The following KLRG1 variants were observed in gnomAD, a reference collection of about 807,000 sequenced individuals.
KLRG1 encodes the protein killer cell lectin like receptor G1.
Under a neutral mutation model 21.8 loss-of-function variants are expected in KLRG1, and 16 were observed. The observed-to-expected ratio is 0.73, with a 90% CI of 0.50 to 1.11. The LOEUF is 1.11. Ranked by LOEUF, KLRG1 falls within the 50% of genes most tolerant of loss-of-function variation. The pLI is 0.00. For missense variants in KLRG1, 173 were observed against 218.3 expected, an observed-to-expected ratio of 0.79 and a Z score of 1.31; for synonymous variants, 69 against 75.9, an observed-to-expected ratio of 0.91 and a Z score of 0.47.
At chr12:8,962,533 GC>G (rs1946398127) in intron 1 of KLRG1, among the ~76,000 whole-genome samples, 1 of 151,808 alleles carries the variant, frequency 6.6e-6, no homozygotes, top group Non-Finnish European at 1.5e-5. Context: ...GGGCAACATG[GC>G]AAAACCCCAT....
chr12:9,204,095 G>C, the KLRG1 span: 4 of 862,792 alleles, frequency 4.6e-6, no homozygotes, highest in African/African-American at 6.9e-5. Context: ...TGGAGGTTCT[G>C]TCACAGATCA....
the KLRG1 span, among the ~76,000 whole-genome samples, chr12:9,124,960 CATAA>C: frequency 6.6e-6 from 1 of 152,206 alleles, no homozygotes; most frequent in African/African-American, 2.4e-5. Flanking sequence ...TCCTCCACCC[CATAA>C]AAGCCTCGGG....
At chr12:8,985,541 G>C (rs1407027115), upstream of KLRG1, among the ~76,000 whole-genome samples, 1 of 152,180 alleles carries the variant, frequency 6.6e-6, no homozygotes, top group Non-Finnish European at 1.5e-5. Flanking sequence ...ACAAGTCTGG[G>C]CCTCTGGAAC....
At chr12:9,028,700 C>T in the KLRG1 span, 1 of 469,584 alleles carries the variant, frequency 2.1e-6, no homozygotes, top group Non-Finnish European at 4.1e-6. Flanking sequence ...CCTTGGCCCC[C>T]CAAAGTGCTG....
At chr12:9,201,259 G>C in the KLRG1 span, 1 of 1,390,714 alleles carries the variant, frequency 7.2e-7, no homozygotes, top group Non-Finnish European at 1.0e-6. Flanking sequence ...TCTGTCTAGA[G>C]TATTATCAGA....
the KLRG1 span, chr12:9,128,216 C>A: frequency 5.1e-6 from 1 of 195,438 alleles, no homozygotes; most frequent in South Asian, 1.0e-4. Flanking sequence ...AGGCATTGGT[C>A]TTGCCAAGAT....
the KLRG1 span, chr12:9,202,362 C>A: frequency 1.2e-6 from 2 of 1,614,112 alleles, no homozygotes; most frequent in East Asian, 2.2e-5. Context: ...GGAGACAACA[C>A]GGAATCTTAC....
chr12:8,998,688 CAA>C (rs201443520), intron 3 of KLRG1, among the ~76,000 whole-genome samples: 58,518 of 129,120 alleles, frequency 0.45, 11,693 homozygotes, highest in Middle Eastern at 0.52. Flanking sequence ...GACTCTGTCT[CAA>C]AAAAAAAAAA....
intron 1 of KLRG1, among the ~76,000 whole-genome samples, chr12:8,950,481 A>G (rs1003887550): frequency 2.6e-5 from 4 of 152,116 alleles, no homozygotes; most frequent in Non-Finnish European, 2.9e-5. Flanking sequence ...CTCTGTTCAG[A>G]TGTTATTTTT....
At chr12:9,151,613 A>G in the KLRG1 span, 3 of 1,613,884 alleles carry the variant, frequency 1.9e-6, no homozygotes, top group African/African-American at 1.3e-5. Context: ...CCTGTTCCAC[A>G]TAAATGAGGA....
intron 1 of KLRG1, chr12:8,990,368 T>C (rs1486549039): frequency 6.6e-6 from 1 of 152,138 alleles, no homozygotes; most frequent in Non-Finnish European, 1.5e-5. Flanking sequence ...ATGCCAAAAT[T>C]AATCCTTGAT....
At chr12:8,997,284 C>G (rs1373808462) in intron 3 of KLRG1, among the ~76,000 whole-genome samples, 1 of 152,174 alleles carries the variant, frequency 6.6e-6, no homozygotes, top group South Asian at 2.1e-4. Flanking sequence ...TTTTAACATT[C>G]CTGTGGAATC....
At chr12:9,214,315 T>A in the KLRG1 span, among the ~76,000 whole-genome samples, 22 of 152,152 alleles carry the variant, frequency 1.4e-4, no homozygotes, top group East Asian at 4.2e-3. Flanking sequence ...GTGACTAATA[T>A]GAATCTTTAT....
At chr12:9,177,834 A>T in the KLRG1 span, among the ~76,000 whole-genome samples, 1 of 152,230 alleles carries the variant, frequency 6.6e-6, no homozygotes, top group Admixed American at 6.5e-5. Context: ...AATAAGACAG[A>T]CATAAACTGT....
chr12:9,200,315 C>T, the KLRG1 span: 3 of 1,404,454 alleles, frequency 2.1e-6, no homozygotes, highest in Non-Finnish European at 2.0e-6. Context: ...CATAATCCCT[C>T]AAAATTGAGG....
At chr12:8,970,582 G>A (rs1946550759) in intron 1 of KLRG1, 2 of 152,080 alleles carry the variant, frequency 1.3e-5, no homozygotes, top group African/African-American at 4.8e-5. Flanking sequence ...GGCTTCACTG[G>A]TAAATTCCAC....
chr12:9,113,365 A>G, the KLRG1 span: 1 of 1,613,260 alleles, frequency 6.2e-7, no homozygotes, highest in Non-Finnish European at 8.5e-7. Flanking sequence ...CTCACAGCGA[A>G]GGCGACACAG....
the KLRG1 span, among the ~76,000 whole-genome samples, chr12:9,130,313 A>G: frequency 6.6e-6 from 1 of 152,216 alleles, no homozygotes; most frequent in African/African-American, 2.4e-5. Context: ...ATATACACCC[A>G]TAAGTAAAAT....
At chr12:9,035,278 T>G in the KLRG1 span, among the ~76,000 whole-genome samples, 1 of 151,984 alleles carries the variant, frequency 6.6e-6, no homozygotes, top group Non-Finnish European at 1.5e-5. Context: ...TAAAAAAGGA[T>G]GAGTTCATGT....
Sources: gnomAD v4.1 joint callset for allele counts (sites outside exome capture counted in the v4.1 genomes callset) on GRCh38, gnomAD v4.1.1 for gene constraint, MANE v1.5 for transcripts, NCBI Gene and HGNC (gene_info 2026-07-23, HGNC 2026-07-21) for gene names.